The following LRBA variants were observed in gnomAD, a reference collection of about 807,000 sequenced individuals.
The protein encoded by LRBA is LPS responsive beige-like anchor protein.
LRBA carries 176 observed loss-of-function variants against 330.0 expected under a neutral mutation model. The observed-to-expected ratio is 0.53, with a 90% CI of 0.47 to 0.60. The LOEUF is 0.60. LRBA is among the 20% of genes least tolerant of loss of function. LRBA has a pLI of 0.00. For missense variants in LRBA, 3,259 were observed against 3,444.8 expected (o/e 0.95, Z 1.35); for synonymous variants, 1,230 against 1,193.0 (o/e 1.03, Z -0.64).
At chr4:150,672,237 T>C (rs967029827) in intron 37 of LRBA, among the ~76,000 whole-genome samples, 2 of 152,162 alleles carry the variant, frequency 1.3e-5, no homozygotes, top group Non-Finnish European at 2.9e-5. Flanking sequence ...CAGGCGTCAG[T>C]ACTTTTTTTA....
At chr4:150,963,624 G>A (rs1738451703) in intron 2 of LRBA, among the ~76,000 whole-genome samples, 1 of 149,566 alleles carries the variant, frequency 6.7e-6, no homozygotes, top group Admixed American at 6.6e-5. Flanking sequence ...AGGAAGTGAG[G>A]AGCGTCTCTG....
chr4:150,623,422 T>C (rs1171363516), intron 37 of LRBA, among the ~76,000 whole-genome samples: 2 of 152,108 alleles, frequency 1.3e-5, no homozygotes, highest in African/African-American at 2.4e-5. Flanking sequence ...ATAAACTATA[T>C]ATTTTCATAC....
At chr4:150,666,327 AT>A (rs2126846663) in intron 37 of LRBA, among the ~76,000 whole-genome samples, 1 of 152,126 alleles carries the variant, frequency 6.6e-6, no homozygotes, top group East Asian at 1.9e-4. Context: ...GAGGTCAGGG[AT>A]TCTAGACCAG....
intron 37 of LRBA, among the ~76,000 whole-genome samples, chr4:150,677,981 C>T (rs1324030760): frequency 6.6e-6 from 1 of 151,924 alleles, no homozygotes. Flanking sequence ...GGCTCACACC[C>T]ATAATCCTAG....
rs140090621 is a variant in LRBA at position 150,494,534 on chromosome 4, T to C, written c.6331-3499A>G. ...CTCCATTTATTAGGAGAAATGAGTA[T>C]ACTACAGCATTGTTACAAGATTTTT... On this transcript the variant is annotated intron_variant, in intron 40 of 56. Transcript: ENST00000651943. Among the ~76,000 whole-genome samples, 318 of 152,350 alleles carry C rather than the reference T, an allele frequency of 2.1e-3. 1 individual carries two copies. Among genetic ancestry groups the C allele is most frequent in the Non-Finnish European group, 3.8e-3 (256 of 68,026 alleles).
Position 150,893,634 on chromosome 4 carries a change from C to A in LRBA, c.2068-485G>T, listed in dbSNP as rs531896533. Among the ~76,000 whole-genome samples the A allele has an allele frequency of 2.0e-5, 3 of 152,062 alleles. No individual in the cohort carries two copies. In the South Asian group the frequency reaches 6.2e-4, roughly 32 times the overall value. On this transcript the variant is annotated intron_variant, in intron 16 of 56. Transcript: ENST00000651943. ...CAAAGTGCTGGGATTACAAGTTGAG[C>A]CACCGCACCTGACCTCAAAACAATT... is the stretch of plus-strand genomic sequence containing the variant.
At chr4:150,740,000 T>A (rs1731736835) in intron 35 of LRBA, among the ~76,000 whole-genome samples, 1 of 152,206 alleles carries the variant, frequency 6.6e-6, no homozygotes, top group African/African-American at 2.4e-5. Context: ...AACAAATGTA[T>A]GTTTCTTTAA....
chr4:150,615,407 T>C (rs1775677261), intron 37 of LRBA, among the ~76,000 whole-genome samples: 1 of 152,152 alleles, frequency 6.6e-6, no homozygotes, highest in South Asian at 2.1e-4. Flanking sequence ...TTATAGGCTT[T>C]TGCAATAATC....
intron 36 of LRBA, among the ~76,000 whole-genome samples, chr4:150,704,015 C>A (rs563933486): frequency 6.6e-6 from 1 of 151,890 alleles, no homozygotes; most frequent in Non-Finnish European, 1.5e-5. Flanking sequence ...AACTCTCCTG[C>A]ACAATATATA....
intron 47 of LRBA, among the ~76,000 whole-genome samples, chr4:150,364,074 T>TG (rs1739093453): frequency 6.6e-6 from 1 of 152,192 alleles, no homozygotes; most frequent in African/African-American, 2.4e-5. Flanking sequence ...TATTAAAGTA[T>TG]CATCTTTCAA....
chr4:150,931,807 A>G (rs553915042), intron 2 of LRBA, among the ~76,000 whole-genome samples: 9 of 151,954 alleles, frequency 5.9e-5, no homozygotes, highest in East Asian at 1.9e-4. Flanking sequence ...TATCTGGGGG[A>G]AAAAAAATCA....
chr4:150,806,475 G>T, intron 32 of LRBA, 71 bp from the exon 33 acceptor site: 2 of 969,778 alleles, frequency 2.1e-6, no homozygotes, highest in Non-Finnish European at 2.8e-6. Flanking sequence ...TGAAAATAAA[G>T]ATGTATTTCC....
intron 36 of LRBA, among the ~76,000 whole-genome samples, chr4:150,690,310 T>C (rs1784006629): frequency 6.6e-6 from 1 of 151,980 alleles, no homozygotes; most frequent in South Asian, 2.1e-4. Context: ...GAGACCACCC[T>C]AGAAAACAAG....
intron 46 of LRBA, chr4:150,423,355 G>A: frequency 1.5e-6 from 1 of 679,642 alleles, no homozygotes; most frequent in Admixed American, 2.3e-5. Flanking sequence ...GGCGTCAAGG[G>A]TCTTCTGCCC....
At chr4:150,471,233 G>A (rs1467808953) in intron 43 of LRBA, among the ~76,000 whole-genome samples, 6 of 151,896 alleles carry the variant, frequency 4.0e-5, no homozygotes, top group Non-Finnish European at 8.8e-5. Flanking sequence ...AGTCTTACAT[G>A]GAATGACATC....
intron 37 of LRBA, among the ~76,000 whole-genome samples, chr4:150,633,234 C>G (rs549523994): frequency 5.5e-4 from 84 of 152,162 alleles, no homozygotes; most frequent in Non-Finnish European, 6.8e-4. Context: ...ATGAGAATAA[C>G]AATAAAAAGA....
chr4:150,887,135 TAG>T (rs1288078508), intron 17 of LRBA, among the ~76,000 whole-genome samples: 2 of 152,044 alleles, frequency 1.3e-5, no homozygotes, highest in Admixed American at 1.3e-4. Flanking sequence ...TTAAAGAAAA[TAG>T]AGTTCTCATC....
chr4:150,427,583 GA>G (rs1321981514), intron 46 of LRBA, among the ~76,000 whole-genome samples: 1 of 151,504 alleles, frequency 6.6e-6, no homozygotes, highest in Non-Finnish European at 1.5e-5. Context: ...AAAACAGAAG[GA>G]AGGAGGGAAG....
At chr4:150,921,436 C>A in intron 4 of LRBA, 143 bp from the exon 5 acceptor site, 3 of 595,626 alleles carry the variant, frequency 5.0e-6, no homozygotes, top group African/African-American at 1.9e-5. Flanking sequence ...AAGTTATTTT[C>A]AAATATCTTA....
Sources: allele counts gnomAD v4.1 joint callset (sites outside exome capture counted in the v4.1 genomes callset), GRCh38; gene constraint gnomAD v4.1.1; transcripts MANE v1.5; gene names NCBI Gene and HGNC (gene_info 2026-07-23, HGNC 2026-07-21).